Variants in PDE4D observed in about 807,000 individuals in gnomAD.
The protein encoded by PDE4D is 3',5'-cyclic-AMP phosphodiesterase 4D.
A neutral mutation model predicts 87.4 loss-of-function variants in PDE4D; 24 were observed. The observed-to-expected ratio is 0.27, with a 90% confidence interval of 0.20 to 0.39. PDE4D has a LOEUF of 0.39. Among genes scored for constraint, PDE4D ranks in the 10% least tolerant of loss-of-function variants. The pLI, the probability that PDE4D is intolerant of heterozygous loss-of-function variation, is 1.00. For missense variants in PDE4D, 714 were observed against 1,041.0 expected (o/e 0.69, Z 4.32); for synonymous variants, 384 against 383.2 (o/e 1.00, Z -0.02).
At chr5:60,037,982 A>T (rs924853497) in intron 2 of PDE4D, among the ~76,000 whole-genome samples, 1 of 152,100 alleles carries the variant, frequency 6.6e-6, no homozygotes, top group African/African-American at 2.4e-5. Context: ...ATTTTGGAAA[A>T]ATTTAGGTGG....
chr5:59,262,583 C>T (rs140422190), intron 1 of PDE4D, among the ~76,000 whole-genome samples: 90 of 151,892 alleles, frequency 5.9e-4, no homozygotes, highest in African/African-American at 2.1e-3. Context: ...CTTTGAAGGT[C>T]GGGGGTCAAT....
At chr5:59,200,092 T>C (rs545902878) in intron 2 of PDE4D, among the ~76,000 whole-genome samples, 2 of 144,442 alleles carry the variant, frequency 1.4e-5, no homozygotes, top group Non-Finnish European at 3.0e-5. Flanking sequence ...TACATGTATG[T>C]AGACATACAT....
At chr5:59,663,840 G>A (rs988848310) in intron 1 of PDE4D, among the ~76,000 whole-genome samples, 7 of 152,140 alleles carry the variant, frequency 4.6e-5, no homozygotes, top group African/African-American at 1.7e-4. Flanking sequence ...AAAGCCTGAT[G>A]GGCCTGACAA....
intron 5 of PDE4D, among the ~76,000 whole-genome samples, chr5:59,081,706 A>G (rs1374658918): frequency 3.9e-5 from 6 of 152,024 alleles, no homozygotes; most frequent in Non-Finnish European, 7.4e-5. Flanking sequence ...TTAGTCTCTC[A>G]AAGTATTACT....
At chr5:60,273,878 A>C (rs765500611) in intron 1 of PDE4D, among the ~76,000 whole-genome samples, 7 of 152,320 alleles carry the variant, frequency 4.6e-5, no homozygotes, top group Non-Finnish European at 8.8e-5. Flanking sequence ...CTCAGTGACA[A>C]GCCAGAGAGA....
chr5:59,879,226 AAAACTATCC>A (rs1272249177), intron 1 of PDE4D, among the ~76,000 whole-genome samples: 1 of 152,184 alleles, frequency 6.6e-6, no homozygotes, highest in African/African-American at 2.4e-5. Flanking sequence ...TAAAAAATTC[AAAACTATCC>A]ACATAATTTC....
intron 1 of PDE4D, among the ~76,000 whole-genome samples, chr5:59,573,989 C>T (rs1822327812): frequency 1.3e-5 from 1 of 76,246 alleles, no homozygotes; most frequent in East Asian, 3.7e-4. Context: ...CAAAGGGAGA[C>T]TCTGTCTCAA....
chr5:60,260,249 A>G (rs1176914742), intron 1 of PDE4D, among the ~76,000 whole-genome samples: 1 of 152,056 alleles, frequency 6.6e-6, no homozygotes, highest in African/African-American at 2.4e-5. Context: ...ACTGAGGCTC[A>G]GAGGCCTCTG....
intron 1 of PDE4D, among the ~76,000 whole-genome samples, chr5:59,536,923 A>G (rs1323130257): frequency 1.3e-5 from 2 of 152,234 alleles, no homozygotes; most frequent in Non-Finnish European, 2.9e-5. Context: ...TGACAAATAT[A>G]TACTTGGTAT....
intron 1 of PDE4D, among the ~76,000 whole-genome samples, chr5:59,767,253 T>A (rs1762914971): frequency 6.6e-6 from 1 of 152,186 alleles, no homozygotes; most frequent in South Asian, 2.1e-4. Flanking sequence ...ACACACTCAT[T>A]CTTTTTTGTT....
chr5:60,201,665 C>A (rs1562213214), intron 1 of PDE4D, among the ~76,000 whole-genome samples: 1 of 152,102 alleles, frequency 6.6e-6, no homozygotes, highest in Non-Finnish European at 1.5e-5. Flanking sequence ...TTATTTACCC[C>A]CAATTGCAAT....
intron 1 of PDE4D, among the ~76,000 whole-genome samples, chr5:59,260,453 C>T (rs1439042103): frequency 2.6e-5 from 4 of 151,846 alleles, no homozygotes; most frequent in African/African-American, 4.8e-5. Context: ...TTCCTATATT[C>T]TTTCTCTATC....
intron 1 of PDE4D, among the ~76,000 whole-genome samples, chr5:60,378,671 G>A (rs536203510): frequency 3.9e-4 from 59 of 152,108 alleles, no homozygotes; most frequent in African/African-American, 1.4e-3. Flanking sequence ...GACCAACATG[G>A]TGAAACCCCA....
intron 5 of PDE4D, among the ~76,000 whole-genome samples, chr5:59,107,281 G>A (rs1307961041): frequency 1.3e-5 from 2 of 151,996 alleles, no homozygotes; most frequent in Admixed American, 1.3e-4. Context: ...GCACGATCTT[G>A]GCTCGCAACA....
intron 1 of PDE4D, among the ~76,000 whole-genome samples, chr5:60,438,189 C>T (rs915582195): frequency 3.3e-5 from 5 of 152,088 alleles, no homozygotes; most frequent in African/African-American, 1.2e-4. Context: ...TAACCAAATG[C>T]TAACCATGTT....
intron 1 of PDE4D, among the ~76,000 whole-genome samples, chr5:59,401,280 AC>A (rs1441219674): frequency 6.6e-6 from 1 of 152,106 alleles, no homozygotes; most frequent in East Asian, 1.9e-4. Context: ...TCCTGTCTCT[AC>A]AAAAATTTTA....
At chr5:60,255,787 T>C (rs548844458) in intron 1 of PDE4D, among the ~76,000 whole-genome samples, 2 of 151,612 alleles carry the variant, frequency 1.3e-5, no homozygotes, top group South Asian at 2.1e-4. Flanking sequence ...CTGGGAAACA[T>C]AGTGAGACTC....
At chr5:59,283,557 C>T in intron 1 of PDE4D, among the ~76,000 whole-genome samples, 1 of 152,014 alleles carries the variant, frequency 6.6e-6, no homozygotes, top group Non-Finnish European at 1.5e-5. Flanking sequence ...TCAGCTTTGC[C>T]CTTGATAACT....
At chr5:59,735,172 A>C (rs1757908676) in intron 1 of PDE4D, among the ~76,000 whole-genome samples, 1 of 152,194 alleles carries the variant, frequency 6.6e-6, no homozygotes, top group Non-Finnish European at 1.5e-5. Flanking sequence ...TGAGTACAGA[A>C]TCCCATTAAT....
Sources: gnomAD v4.1 joint callset for allele counts (sites outside exome capture counted in the v4.1 genomes callset) on GRCh38, gnomAD v4.1.1 for gene constraint, MANE v1.5 for transcripts, NCBI Gene and HGNC (gene_info 2026-07-23, HGNC 2026-07-21) for gene names.